Variants in ADRA1B observed in about 807,000 individuals in gnomAD.
The protein encoded by ADRA1B is alpha-1B adrenergic receptor.
A neutral mutation model predicts 17.9 loss-of-function variants in ADRA1B; 17 were observed. The ratio of observed to expected loss-of-function variants is 0.95; its 90% CI spans 0.65 to 1.42. The LOEUF (loss-of-function observed/expected upper bound fraction) is 1.42, where lower values mean the gene tolerates loss of function less well. Among genes scored for constraint, ADRA1B ranks in the 40% most tolerant of loss-of-function variants. The pLI is 0.00. For missense variants in ADRA1B, 681 were observed against 722.1 expected (o/e 0.94, Z 0.65); for synonymous variants, 366 against 327.6 (o/e 1.12, Z -1.27).
intron 1 of ADRA1B, among the ~76,000 whole-genome samples, chr5:159,887,241 C>A (rs563673581): frequency 1.3e-5 from 2 of 152,278 alleles, no homozygotes; most frequent in East Asian, 3.9e-4. Context: ...AAGATGATTT[C>A]CCATTATATC....
At chr5:159,918,236 A>G (rs1754385364) in intron 1 of ADRA1B, among the ~76,000 whole-genome samples, 1 of 152,222 alleles carries the variant, frequency 6.6e-6, no homozygotes, top group Non-Finnish European at 1.5e-5. Context: ...AGCATACAAA[A>G]TAGTTTGTAG....
intron 1 of ADRA1B, among the ~76,000 whole-genome samples, chr5:159,880,717 A>G (rs561774463): frequency 7.2e-5 from 11 of 152,292 alleles, no homozygotes; most frequent in African/African-American, 2.6e-4. Flanking sequence ...AAGTTTTCCT[A>G]TGCCCTCTGG....
At chr5:159,963,669 G>A (rs1015865059) in intron 1 of ADRA1B, among the ~76,000 whole-genome samples, 7 of 152,202 alleles carry the variant, frequency 4.6e-5, no homozygotes, top group Non-Finnish European at 8.8e-5. Context: ...GTCAGAGCTT[G>A]TTAAATGGTA....
chr5:159,927,630 G>A (rs1754695946), intron 1 of ADRA1B, among the ~76,000 whole-genome samples: 1 of 152,108 alleles, frequency 6.6e-6, no homozygotes, highest in Non-Finnish European at 1.5e-5. Context: ...CACTGAGATG[G>A]TCTCCTTTTA....
intron 1 of ADRA1B, among the ~76,000 whole-genome samples, chr5:159,890,679 C>A (rs1753973777): frequency 6.6e-6 from 1 of 152,188 alleles, no homozygotes; most frequent in South Asian, 2.1e-4. Context: ...ACACATGACA[C>A]CTGGGCTCTA....
intron 1 of ADRA1B, among the ~76,000 whole-genome samples, chr5:159,925,788 T>C (rs1754630865): frequency 6.6e-6 from 1 of 152,206 alleles, no homozygotes; most frequent in Admixed American, 6.5e-5. Flanking sequence ...ATGGCCCCTG[T>C]ATTACCACCT....
At chr5:159,922,362 T>C (rs1408955031) in intron 1 of ADRA1B, among the ~76,000 whole-genome samples, 1 of 152,188 alleles carries the variant, frequency 6.6e-6, no homozygotes, top group East Asian at 1.9e-4. Flanking sequence ...GGGCCAAAAG[T>C]TGAATCCAAG....
chr5:159,911,350 G>A (rs905984312), intron 1 of ADRA1B, among the ~76,000 whole-genome samples: 3 of 152,200 alleles, frequency 2.0e-5, no homozygotes, highest in African/African-American at 7.2e-5. Context: ...AAGAGAGAAT[G>A]GATCTGCTCT....
the ADRA1B span, among the ~76,000 whole-genome samples, chr5:159,987,778 G>A: frequency 6.6e-6 from 1 of 152,204 alleles, no homozygotes; most frequent in African/African-American, 2.4e-5. Flanking sequence ...GAAAAGGGGT[G>A]CACACTTTTC....
At chr5:159,925,730 C>T (rs1754628769) in intron 1 of ADRA1B, among the ~76,000 whole-genome samples, 1 of 152,222 alleles carries the variant, frequency 6.6e-6, no homozygotes, top group Non-Finnish European at 1.5e-5. Context: ...ACAGAACCCA[C>T]ACAAAATCTG....
At chr5:159,895,859 G>A (rs1435300269) in intron 1 of ADRA1B, among the ~76,000 whole-genome samples, 1 of 152,244 alleles carries the variant, frequency 6.6e-6, no homozygotes, top group Non-Finnish European at 1.5e-5. Flanking sequence ...GCTCATGCCT[G>A]TAATCCCAGC....
At position 159,972,201 on chromosome 5, in the gene ADRA1B, C is replaced by A; in HGVS notation, c.1272C>A (p.Ala424=). 1.5e-6 allele frequency: 2 copies of A among 1,362,908 alleles called. No individual in the cohort carries two copies. Among genetic ancestry groups the A allele is most frequent in the Non-Finnish European group, 9.5e-7 (1 of 1,053,168 alleles). 84.4% of individuals were successfully genotyped at this position (1,362,908 alleles called of 1,614,324 possible). A position where few individuals can be genotyped will look rare whatever the true frequency, so the allele number is the denominator to read the frequency against. ...GCAGCCAGCGGACCCTGCCCTCGGC[C>A]TCGCCGAGCCCGGGCTACCTGGGCC... ...LSGSQRTLPS[A]SPSPGYLGRG... The change falls in exon 2 of 2, where the codon GCC becomes GCA. Residue 424 remains alanine (A), a synonymous_variant. Coordinates refer to ENST00000306675, the MANE Select transcript of ADRA1B (RefSeq NM_000679.4).
chr5:159,976,120 T>TG (rs35836449), downstream of ADRA1B, among the ~76,000 whole-genome samples: 2 of 152,260 alleles, frequency 1.3e-5, no homozygotes, highest in East Asian at 3.9e-4. Context: ...ATAGGGACAT[T>TG]GGGGGATCAA....
intron 1 of ADRA1B, among the ~76,000 whole-genome samples, chr5:159,927,600 G>A (rs1440308368): frequency 6.6e-6 from 1 of 151,894 alleles, no homozygotes; most frequent in African/African-American, 2.4e-5. Flanking sequence ...TTTCTAATAG[G>A]GTGACCATAT....
At chr5:159,900,337 C>T (rs4921535) in intron 1 of ADRA1B, among the ~76,000 whole-genome samples, 29,328 of 152,162 alleles carry the variant, frequency 0.19, 2,986 homozygotes, top group African/African-American at 0.23. Context: ...GACATCCTTA[C>T]AGTGCTCCCA....
At chr5:159,938,301 G>T (rs1223376993) in intron 1 of ADRA1B, among the ~76,000 whole-genome samples, 3 of 152,156 alleles carry the variant, frequency 2.0e-5, no homozygotes, top group Non-Finnish European at 4.4e-5. Flanking sequence ...CATAATAATG[G>T]TTTTCTGCAT....
Position 159,916,630 on chromosome 5 carries a change from G to T in ADRA1B, c.-276G>T. On this transcript the variant is annotated 5_prime_UTR_variant, in exon 1 of 2. Coordinates refer to ENST00000306675, the MANE Select transcript of ADRA1B (RefSeq NM_000679.4). Reference sequence around the variant, plus strand: ...CCTCCTCCCCGCCGCTCCCCCGCGAGCCCGGCCAGGCGCGCCTGACGTGGA... The same window carrying T: ...CCTCCTCCCCGCCGCTCCCCCGCGATCCCGGCCAGGCGCGCCTGACGTGGA... 1 of 251,716 alleles carries T rather than the reference G, an allele frequency of 4.0e-6. No homozygotes were observed. The highest frequency in any genetic ancestry group is 1.3e-4 in the South Asian group (1 of 7,856). 15.6% of individuals were successfully genotyped at this position (251,716 alleles called of 1,614,324 possible). A position where few individuals can be genotyped will look rare whatever the true frequency, so the allele number is the denominator to read the frequency against.
At chr5:159,944,783 G>T (rs1465918886) in intron 1 of ADRA1B, among the ~76,000 whole-genome samples, 1 of 152,122 alleles carries the variant, frequency 6.6e-6, no homozygotes, top group Non-Finnish European at 1.5e-5. Flanking sequence ...GACAGTGAGA[G>T]GCTTGTAAAG....
Position 159,951,251 on chromosome 5 carries a change from G to A in ADRA1B, c.950-20628G>A. The A allele has an allele frequency of 4.1e-6, 4 of 974,422 alleles. No individual in the cohort carries two copies. The East Asian group carries it at 7.1e-5, about 17-fold the overall frequency. 60.4% of individuals were successfully genotyped at this position (974,422 alleles called of 1,614,324 possible). A position where few individuals can be genotyped will look rare whatever the true frequency, so the allele number is the denominator to read the frequency against. On this transcript the variant is annotated intron_variant, in intron 1 of 1. Coordinates refer to ENST00000306675, the MANE Select transcript of ADRA1B (RefSeq NM_000679.4). ...CGCCAGCATCGCCCCATTTGATTTT[G>A]GAGGGATCTTGCTCCTGGAAGATGG... is the stretch of plus-strand genomic sequence containing the variant.
Sources: allele counts gnomAD v4.1 joint callset (sites outside exome capture counted in the v4.1 genomes callset), GRCh38; gene constraint gnomAD v4.1.1; transcripts MANE v1.5; gene names NCBI Gene and HGNC (gene_info 2026-07-23, HGNC 2026-07-21).